The following CNGA3 variants were observed in gnomAD, a reference collection of about 807,000 sequenced individuals.
The protein encoded by CNGA3 is cyclic nucleotide-gated channel alpha-3.
CNGA3 carries 42 observed loss-of-function variants against 46.6 expected under a neutral mutation model. The ratio of observed to expected loss-of-function variants is 0.90; its 90% confidence interval spans 0.70 to 1.17. The LOEUF (loss-of-function observed/expected upper bound fraction) is 1.17, where lower values mean the gene tolerates loss of function less well. CNGA3 is among the 50% of genes most tolerant of loss of function. CNGA3 has a pLI of 0.00. For missense variants in CNGA3, 893 were observed against 890.7 expected, an observed-to-expected ratio of 1.00 and a Z score of -0.03; for synonymous variants, 394 against 369.4, an observed-to-expected ratio of 1.07 and a Z score of -0.76.
rs892432073 is a variant in CNGA3 at position 98,398,245 on chromosome 2, A to G, written c.*990A>G. On this transcript the variant is annotated 3_prime_UTR_variant, in exon 8 of 8. Coordinates refer to ENST00000272602, the MANE Select transcript of CNGA3 (RefSeq NM_001298.3). ...CATCCCAAGGCAAAGCTTTTGGCTC[A>G]CCGAAAGCTCACAGATTGCAGAAAT... 3 of 152,220 alleles carry G rather than the reference A, an allele frequency of 2.0e-5. No individual in the cohort carries two copies. Among genetic ancestry groups the G allele is most frequent in the African/African-American group, 7.2e-5 (3 of 41,468 alleles). The allele number at this position is 152,220 out of a possible 1,614,324, so 9.4% of individuals were successfully genotyped here.
intron 1 of CNGA3, among the ~76,000 whole-genome samples, chr2:98,356,501 G>A (rs1015343407): frequency 6.6e-6 from 1 of 152,080 alleles, no homozygotes; most frequent in Non-Finnish European, 1.5e-5. Context: ...TCCAGACTCG[G>A]CACCTCACTA....
intron 2 of CNGA3, 100 bp from the exon 3 acceptor site, chr2:98,377,587 T>TG: frequency 8.5e-7 from 1 of 1,177,430 alleles, no homozygotes; most frequent in East Asian, 2.6e-5. Context: ...AGGGTGGCTT[T>TG]CCCTGCTAAG....
At chr2:98,389,123 C>T (rs1301295243) in intron 5 of CNGA3, among the ~76,000 whole-genome samples, 1 of 152,218 alleles carries the variant, frequency 6.6e-6, no homozygotes, top group African/African-American at 2.4e-5. Flanking sequence ...TGAGCCTTTA[C>T]ATCGTCCGCA....
chr2:98,351,873 C>T (rs1298610552), intron 1 of CNGA3, among the ~76,000 whole-genome samples: 1 of 151,868 alleles, frequency 6.6e-6, no homozygotes. Flanking sequence ...ATTTTCATGC[C>T]ACAAATGTCA....
chr2:98,384,031 C>T (rs1299824932), intron 5 of CNGA3, among the ~76,000 whole-genome samples: 2 of 152,058 alleles, frequency 1.3e-5, no homozygotes, highest in Non-Finnish European at 2.9e-5. Context: ...GGACTACAGG[C>T]GCCCGCCACC....
chr2:98,383,060 C>T (rs571893300), intron 4 of CNGA3, among the ~76,000 whole-genome samples: 23 of 152,280 alleles, frequency 1.5e-4, no homozygotes, highest in African/African-American at 5.5e-4. Flanking sequence ...GTGCCTGGCA[C>T]GTGGCCCCAT....
intron 6 of CNGA3, 54 bp from the exon 7 acceptor site, chr2:98,391,810 T>A: frequency 6.4e-7 from 1 of 1,568,622 alleles, no homozygotes; most frequent in South Asian, 1.1e-5. Context: ...AGGTGGGTGG[T>A]CCACGCTCCA....
intron 5 of CNGA3, among the ~76,000 whole-genome samples, chr2:98,386,106 G>A (rs764783957): frequency 5.9e-5 from 9 of 152,180 alleles, no homozygotes; most frequent in African/African-American, 9.7e-5. Flanking sequence ...TCTGTGAAAA[G>A]TGCTCAGAAC....
In CNGA3 at chr2:98,391,851, A is replaced by G. The variant is rs373527569; in HGVS notation, c.567-13A>G. 5.6e-6 allele frequency: 9 copies of G among 1,613,660 alleles called. No individual in the cohort carries two copies. Among genetic ancestry groups the G allele is most frequent in the Admixed American group, 1.7e-5 (1 of 60,004 alleles). On this transcript the variant is annotated splice_polypyrimidine_tract_variant and intron_variant, in intron 6 of 7. Transcript: ENST00000272602. ...ACACGCACAGCCATCCATCTCCCAC[A>G]TGGCTTCTTTAGGGCCTGTTTCGAT... is the stretch of plus-strand genomic sequence containing the variant.
chr2:98,365,167 T>C (rs541954095), intron 1 of CNGA3, among the ~76,000 whole-genome samples: 3 of 152,056 alleles, frequency 2.0e-5, no homozygotes, highest in African/African-American at 7.2e-5. Context: ...CCTACTGAGG[T>C]CCAGTGGCTC....
chr2:98,369,833 C>G, intron 1 of CNGA3, 106 bp from the exon 2 acceptor site: 1 of 697,866 alleles, frequency 1.4e-6, no homozygotes, highest in Non-Finnish European at 2.6e-6. Flanking sequence ...GTGTGCCTGC[C>G]AGGGCTTGCA....
intron 2 of CNGA3, among the ~76,000 whole-genome samples, chr2:98,376,598 G>A (rs1234530579): frequency 1.3e-5 from 2 of 152,150 alleles, no homozygotes; most frequent in African/African-American, 4.8e-5. Context: ...GGAGAAGCAA[G>A]CAGCAGCCTG....
intron 1 of CNGA3, among the ~76,000 whole-genome samples, chr2:98,369,621 G>A (rs1213215759): frequency 6.6e-6 from 1 of 152,150 alleles, no homozygotes; most frequent in Non-Finnish European, 1.5e-5. Flanking sequence ...AATCATGAGG[G>A]CTTCACCTTC....
At chr2:98,353,002 A>C (rs749108733) in intron 1 of CNGA3, among the ~76,000 whole-genome samples, 21 of 152,226 alleles carry the variant, frequency 1.4e-4, no homozygotes, top group Non-Finnish European at 5.9e-5. Flanking sequence ...TGATTTACTA[A>C]TAGGCTTCTG....
intron 5 of CNGA3, among the ~76,000 whole-genome samples, chr2:98,384,755 G>A (rs1692616947): frequency 6.6e-6 from 1 of 152,182 alleles, no homozygotes; most frequent in Non-Finnish European, 1.5e-5. Flanking sequence ...GGGGTTTCTA[G>A]GCATCTTTGT....
At chr2:98,393,711 C>T (rs1031453658) in intron 7 of CNGA3, among the ~76,000 whole-genome samples, 1 of 152,122 alleles carries the variant, frequency 6.6e-6, no homozygotes, top group African/African-American at 2.4e-5. Context: ...GTCATTAACC[C>T]TGCACCTTCT....
intron 1 of CNGA3, among the ~76,000 whole-genome samples, chr2:98,366,458 A>T (rs1692154296): frequency 6.6e-6 from 1 of 152,160 alleles, no homozygotes. Flanking sequence ...GGGGGATCCC[A>T]CTCATCCAGA....
chr2:98,389,482 C>G (rs1254094743), intron 5 of CNGA3, among the ~76,000 whole-genome samples, 176 bp from the exon 6 acceptor site: 1 of 152,180 alleles, frequency 6.6e-6, no homozygotes, highest in African/African-American at 2.4e-5. Context: ...TACCCTACCT[C>G]CTGGCCTGCC....
intron 1 of CNGA3, among the ~76,000 whole-genome samples, chr2:98,365,610 A>AT (rs56268918): frequency 5.3e-5 from 8 of 149,940 alleles, no homozygotes; most frequent in East Asian, 2.0e-4. Context: ...ATTCTTTTTC[A>AT]TTTTTTTTTC....
Sources: gnomAD v4.1 joint callset for allele counts (sites outside exome capture counted in the v4.1 genomes callset) on GRCh38, gnomAD v4.1.1 for gene constraint, MANE v1.5 for transcripts, NCBI Gene and HGNC (gene_info 2026-07-23, HGNC 2026-07-21) for gene names.